Variants in CPEB3 observed in about 807,000 individuals in gnomAD.
CPEB3 encodes the protein cytoplasmic polyadenylation element binding protein 3, also known as cytoplasmic polyadenylation element-binding protein 3.
Under a neutral mutation model 67.2 loss-of-function variants are expected in CPEB3, and 20 were observed. The observed-to-expected ratio is 0.30, with a 90% CI of 0.21 to 0.43. The LOEUF is 0.43. CPEB3 is among the 20% of genes least tolerant of loss of function. CPEB3 has a pLI of 1.00. For missense variants in CPEB3, 746 were observed against 968.6 expected, an observed-to-expected ratio of 0.77 and a Z score of 3.05; for synonymous variants, 376 against 393.1, an observed-to-expected ratio of 0.96 and a Z score of 0.51.
chr10:92,073,275 G>C (rs1590076128), intron 9 of CPEB3, among the ~76,000 whole-genome samples: 1 of 151,994 alleles, frequency 6.6e-6, no homozygotes, highest in South Asian at 2.1e-4. Flanking sequence ...CTGGCCTCAA[G>C]TGATCCTTCC....
chr10:92,227,992 A>C (rs947003391), intron 2 of CPEB3, among the ~76,000 whole-genome samples: 1 of 152,084 alleles, frequency 6.6e-6, no homozygotes, highest in African/African-American at 2.4e-5. Flanking sequence ...GATTCAAGCT[A>C]TTCTCCTGCC....
intron 9 of CPEB3, among the ~76,000 whole-genome samples, chr10:92,056,176 G>T (rs1221658860): frequency 6.6e-6 from 1 of 152,148 alleles, no homozygotes; most frequent in African/African-American, 2.4e-5. Context: ...TGTTCATGAG[G>T]TGTTGTCTGA....
chr10:92,174,873 G>T (rs1009889412), intron 4 of CPEB3, among the ~76,000 whole-genome samples: 1 of 152,090 alleles, frequency 6.6e-6, no homozygotes, highest in South Asian at 2.1e-4. Flanking sequence ...TTCAAAAAAA[G>T]AAAAATTAAC....
At chr10:92,140,768 TCAAA>T (rs1278722325) in intron 6 of CPEB3, among the ~76,000 whole-genome samples, 1 of 115,084 alleles carries the variant, frequency 8.7e-6, no homozygotes, top group African/African-American at 3.4e-5. Flanking sequence ...TACAATGAAC[TCAAA>T]CAAATTTACA....
chr10:92,052,584 A>G, intron 9 of CPEB3, 145 bp from the exon 10 acceptor site: 1 of 657,186 alleles, frequency 1.5e-6, no homozygotes, highest in Non-Finnish European at 2.6e-6. Context: ...GGTGGTTGAG[A>G]GCATGGGCTT....
intron 8 of CPEB3, among the ~76,000 whole-genome samples, chr10:92,089,344 T>C (rs1330216053): frequency 2.6e-5 from 4 of 152,116 alleles, no homozygotes; most frequent in Admixed American, 1.3e-4. Flanking sequence ...ATAATATAGA[T>C]TACTTTGCCA....
At chr10:92,118,695 T>C in intron 6 of CPEB3, 4 of 707,606 alleles carry the variant, frequency 5.7e-6, no homozygotes, top group Non-Finnish European at 1.0e-5. Flanking sequence ...CGACATTGCC[T>C]CCGAGCCCAC....
chr10:92,053,352 T>C (rs1292814428), intron 9 of CPEB3, among the ~76,000 whole-genome samples: 1 of 139,884 alleles, frequency 7.1e-6, no homozygotes, highest in Non-Finnish European at 1.6e-5. Context: ...ATCATTAACT[T>C]TATCATTTTT....
At chr10:92,101,775 G>T (rs903963516) in intron 7 of CPEB3, among the ~76,000 whole-genome samples, 2 of 152,148 alleles carry the variant, frequency 1.3e-5, no homozygotes, top group Admixed American at 1.3e-4. Flanking sequence ...GGGCGTGGTG[G>T]TATGTGCCTG....
In CPEB3 at chr10:92,289,806, T is replaced by TA. The variant is rs1456491727; in HGVS notation, c.-12+1119_-12+1120insT. Among the ~76,000 whole-genome samples the TA allele has an allele frequency of 5.0e-4, 70 of 140,156 alleles. 2 individuals carry two copies. The highest frequency in any genetic ancestry group is 1.8e-3 in the African/African-American group (68 of 37,288). The allele number at this position is 140,156 out of a possible 152,430, so 91.9% of individuals were successfully genotyped here. On this transcript the variant is annotated intron_variant, in intron 1 of 9. Coordinates refer to ENST00000265997, the MANE Select transcript of CPEB3 (RefSeq NM_014912.5). ...ATATGTATTATATATTATAAATGTA[T>TA]TATATATTATATAATACATATATAT...
intron 1 of CPEB3, among the ~76,000 whole-genome samples, chr10:92,271,538 C>A (rs921759175): frequency 1.3e-5 from 2 of 152,090 alleles, no homozygotes; most frequent in African/African-American, 4.8e-5. Flanking sequence ...GGTAGAATGA[C>A]CCTCAATTTT....
chr10:92,202,234 T>C (rs572719230), intron 2 of CPEB3, among the ~76,000 whole-genome samples: 1 of 152,148 alleles, frequency 6.6e-6, no homozygotes, highest in African/African-American at 2.4e-5. Context: ...AACATATACT[T>C]AAGCACACAA....
intron 2 of CPEB3, chr10:92,204,260 A>G (rs11186856): frequency 0.24 from 36,296 of 148,354 alleles, 5,052 homozygotes; most frequent in Middle Eastern, 0.34. Context: ...AGAATCTGAC[A>G]GGGGCTGCGA....
Position 92,221,548 on chromosome 10 carries a change from A to G in CPEB3, c.1005+17798T>C, listed in dbSNP as rs564662657. Among the ~76,000 whole-genome samples the G allele has an allele frequency of 2.0e-5, 3 of 152,284 alleles. No individual in the cohort carries two copies. In the East Asian group the frequency reaches 5.8e-4, roughly 29 times the overall value. On this transcript the variant is annotated intron_variant, in intron 2 of 9. Coordinates refer to ENST00000265997, the MANE Select transcript of CPEB3 (RefSeq NM_014912.5). ...TTATTCAAATATATAATAAGCATCT[A>G]CTACAGCTGAAGCTTTGCTGCTGTG... is the stretch of plus-strand genomic sequence containing the variant.
intron 1 of CPEB3, among the ~76,000 whole-genome samples, chr10:92,281,606 T>A (rs1222830948): frequency 6.6e-6 from 1 of 152,192 alleles, no homozygotes; most frequent in East Asian, 1.9e-4. Flanking sequence ...TCAGTTTGCA[T>A]CTTAATTGTA....
chr10:92,098,987 G>T (rs1344438583), intron 7 of CPEB3, among the ~76,000 whole-genome samples: 2 of 151,400 alleles, frequency 1.3e-5, no homozygotes, highest in African/African-American at 4.9e-5. Context: ...GGCCAGGCTG[G>T]TCTCAGACTC....
chr10:92,187,654 G>A (rs1590337197), intron 3 of CPEB3, among the ~76,000 whole-genome samples: 1 of 152,286 alleles, frequency 6.6e-6, no homozygotes, highest in East Asian at 1.9e-4. Flanking sequence ...TTTTCAGAGT[G>A]GTTCCATAGG....
chr10:92,227,886 C>G (rs183918131), intron 2 of CPEB3, among the ~76,000 whole-genome samples: 1 of 149,852 alleles, frequency 6.7e-6, no homozygotes, highest in Non-Finnish European at 1.5e-5. Flanking sequence ...CCACCGCGCC[C>G]GGCCTATTTT....
At chr10:92,254,755 C>T (rs1176637489) in intron 1 of CPEB3, among the ~76,000 whole-genome samples, 1 of 152,118 alleles carries the variant, frequency 6.6e-6, no homozygotes, top group African/African-American at 2.4e-5. Context: ...ATCTCCTTGG[C>T]TCAAGAGATC....
Sources: allele counts gnomAD v4.1 joint callset (sites outside exome capture counted in the v4.1 genomes callset), GRCh38; gene constraint gnomAD v4.1.1; transcripts MANE v1.5; gene names NCBI Gene and HGNC (gene_info 2026-07-23, HGNC 2026-07-21).